MTF1: variants seen among roughly 807,000 people sequenced by gnomAD.
MTF1 encodes metal regulatory transcription factor 1, also known as MRE-binding transcription factor.
MTF1 carries 22 observed loss-of-function variants against 70.4 expected under a neutral mutation model. The observed-to-expected ratio is 0.31, with a 90% CI of 0.22 to 0.45. MTF1 has a LOEUF of 0.45. Ranked by LOEUF, MTF1 falls within the 20% of genes least tolerant of loss-of-function variation. The probability of loss-of-function intolerance (pLI) is 1.00; values close to 1 mark genes in which losing one functional copy is unlikely to be tolerated. For missense variants in MTF1, 649 were observed against 922.0 expected, an observed-to-expected ratio of 0.70 and a Z score of 3.83; for synonymous variants, 333 against 352.8, an observed-to-expected ratio of 0.94 and a Z score of 0.63.
At chr1:37,852,508 A>G (rs942857581) in intron 2 of MTF1, among the ~76,000 whole-genome samples, 3 of 152,166 alleles carry the variant, frequency 2.0e-5, no homozygotes, top group Non-Finnish European at 4.4e-5. Context: ...ATCTACCACA[A>G]CGGACTCTTA....
In MTF1 at chr1:37,814,956, A is replaced by G. The variant is rs2148397194; in HGVS notation, c.*180T>C. The G allele has an allele frequency of 1.7e-6, 1 of 580,750 alleles. No individual in the cohort carries two copies. Among genetic ancestry groups the G allele is most frequent in the East Asian group, 2.9e-5 (1 of 34,492 alleles). The allele number at this position is 580,750 out of a possible 1,614,324, so 36.0% of individuals were successfully genotyped here. On this transcript the variant is annotated 3_prime_UTR_variant, in exon 11 of 11. Coordinates refer to ENST00000373036, the MANE Select transcript of MTF1 (RefSeq NM_005955.3). ...TTTTTTTTGTTTTTTGTTTTTTTCC[A>G]AAGAATAGTTCCTTAAAATGGATGC... is the stretch of plus-strand genomic sequence containing the variant.
rs983966588 is a variant in MTF1 at position 37,815,076 on chromosome 1, C to A, written c.*60G>T. On this transcript the variant is annotated 3_prime_UTR_variant, in exon 11 of 11. Coordinates refer to ENST00000373036, the MANE Select transcript of MTF1 (RefSeq NM_005955.3). The surrounding 1 kb of genome is among the most constrained non-coding windows in gnomAD (Gnocchi z 4.5). ...CAAATTTCTGACCCATGATGGCAGGCATTGTACCTCATGCCTCCTGCTCAC... is the reference window on the plus strand; with the variant it reads ...CAAATTTCTGACCCATGATGGCAGGAATTGTACCTCATGCCTCCTGCTCAC... 22 of 1,394,646 alleles carry A rather than the reference C, an allele frequency of 1.6e-5. No homozygotes were observed. The African/African-American group carries it at 3.1e-4, about 20-fold the overall frequency. 86.4% of individuals were successfully genotyped at this position (1,394,646 alleles called of 1,614,324 possible). A position where few individuals can be genotyped will look rare whatever the true frequency, so the allele number is the denominator to read the frequency against.
chr1:37,836,036 G>A (rs181993191), intron 4 of MTF1, among the ~76,000 whole-genome samples: 2,315 of 152,252 alleles, frequency 0.015, 33 homozygotes, highest in Non-Finnish European at 0.022. Context: ...TCCTGACCTT[G>A]TGATCCGCCC....
intron 2 of MTF1, among the ~76,000 whole-genome samples, chr1:37,843,182 A>G (rs2148416358): frequency 1.3e-5 from 2 of 152,220 alleles, no homozygotes; most frequent in Admixed American, 1.3e-4. Flanking sequence ...ACACCCAGCT[A>G]ATTTTTAAAT....
rs752925235 is a variant in MTF1 at position 37,817,435 on chromosome 1, T to C, written c.1815A>G (p.Pro605=). 9.9e-6 allele frequency: 16 copies of C among 1,611,228 alleles called. No homozygotes were observed. Among genetic ancestry groups the C allele is most frequent in the Non-Finnish European group, 1.3e-5 (15 of 1,177,300 alleles). Residue 605 remains proline, a synonymous_variant, in exon 10 of 11, where the codon CCA becomes CCG. Coordinates refer to ENST00000373036, the MANE Select transcript of MTF1 (RefSeq NM_005955.3). The part of the protein sequence containing the change: ...VEKVFFTTAV[P]VASSPGSSVQ... The stretch of plus-strand genomic sequence containing the variant: ...ATTACATACCTGGGCTACTGGCTAC[T>C]GGTACTGCAGTGGTAAAAAACACCT...
chr1:37,824,309 T>C (rs577921613), intron 7 of MTF1, among the ~76,000 whole-genome samples: 1 of 152,168 alleles, frequency 6.6e-6, no homozygotes, highest in South Asian at 2.1e-4. Context: ...ACAGAGACCA[T>C]GGAATCAACA....
intron 2 of MTF1, among the ~76,000 whole-genome samples, chr1:37,843,203 G>A (rs1400593510): frequency 6.6e-6 from 1 of 151,976 alleles, no homozygotes; most frequent in African/African-American, 2.4e-5. Flanking sequence ...GTTTTGCTAT[G>A]TTGCCCAGGT....
intron 7 of MTF1, among the ~76,000 whole-genome samples, chr1:37,830,199 G>A (rs1641066136): frequency 6.6e-6 from 1 of 152,186 alleles, no homozygotes; most frequent in Non-Finnish European, 1.5e-5. Context: ...TAGAACATTA[G>A]TTGTAAAATA....
At chr1:37,827,336 G>GTTA (rs71573764) in intron 7 of MTF1, among the ~76,000 whole-genome samples, 16,350 of 143,978 alleles carry the variant, frequency 0.11, 1,152 homozygotes, top group East Asian at 0.25. Flanking sequence ...CCTCATAGTT[G>GTTA]TTATTATTAT....
chr1:37,830,813 TAG>T (rs1557591046), intron 7 of MTF1, among the ~76,000 whole-genome samples: 2 of 130,888 alleles, frequency 1.5e-5, no homozygotes. Flanking sequence ...CTGGGCTGCT[TAG>T]AGTCTATCCC....
chr1:37,831,015 C>T (rs988412186), intron 7 of MTF1, among the ~76,000 whole-genome samples: 1 of 152,214 alleles, frequency 6.6e-6, no homozygotes, highest in Non-Finnish European at 1.5e-5. Context: ...TTGGCTGCCT[C>T]GTTGGGTGCC....
At chr1:37,817,780 G>A (rs1640842395) in intron 9 of MTF1, among the ~76,000 whole-genome samples, 1 of 152,210 alleles carries the variant, frequency 6.6e-6, no homozygotes, top group Non-Finnish European at 1.5e-5. Context: ...CTTTTCTCAA[G>A]CAGATTGTCT....
At chr1:37,821,934 A>G (rs189411511) in intron 9 of MTF1, among the ~76,000 whole-genome samples, 187 bp downstream of exon 9, 49 of 152,158 alleles carry the variant, frequency 3.2e-4, no homozygotes, top group Non-Finnish European at 5.4e-4. Flanking sequence ...CCTCCTTACT[A>G]TAGGTACTGA....
intron 2 of MTF1, among the ~76,000 whole-genome samples, chr1:37,844,874 T>A (rs1244608200): frequency 6.6e-6 from 1 of 152,232 alleles, no homozygotes; most frequent in Non-Finnish European, 1.5e-5. Context: ...AGAATAGGCA[T>A]CCTAATTATA....
At position 37,810,852 on chromosome 1, in the gene MTF1, C is replaced by T. The variant is rs1640717344; in HGVS notation, c.*4284G>A. 6.6e-6 allele frequency: 1 copy of T among 152,174 alleles called. No individual in the cohort carries two copies. The highest frequency in any genetic ancestry group is 1.5e-5 in the Non-Finnish European group (1 of 68,022). The allele number at this position is 152,174 out of a possible 1,614,324, so 9.4% of individuals were successfully genotyped here. On this transcript the variant is annotated 3_prime_UTR_variant, in exon 11 of 11. Transcript: ENST00000373036. ...GTTTGTTTATAGGATTTAATGAAGG[C>T]TGGAGGCCTTTTTGCTTAAGGAACC...
Position 37,823,827 on chromosome 1 carries a change from C to G in MTF1, c.1069-15G>C. ...TGGCCCTGGGTCTGATGGAGAGAGA[C>G]AAAGATGTGAGATTGGCCATCTTGA... On this transcript the variant is annotated splice_polypyrimidine_tract_variant and intron_variant, in intron 7 of 10. Transcript: ENST00000373036. 1 of 1,595,902 alleles carries G rather than the reference C, an allele frequency of 6.3e-7. No individual in the cohort carries two copies. The highest frequency in any genetic ancestry group is 8.6e-7 in the Non-Finnish European group (1 of 1,163,702).
chr1:37,821,272 T>C (rs894147639), intron 9 of MTF1, among the ~76,000 whole-genome samples: 1 of 152,006 alleles, frequency 6.6e-6, no homozygotes, highest in Non-Finnish European at 1.5e-5. Flanking sequence ...AAAAGTAATC[T>C]AAAAATAATG....
intron 9 of MTF1, among the ~76,000 whole-genome samples, chr1:37,820,258 C>T (rs61778077): frequency 0.095 from 14,394 of 152,290 alleles, 856 homozygotes; most frequent in Middle Eastern, 0.24. Flanking sequence ...ATACATCCAC[C>T]TCTAGGTTCT....
At chr1:37,836,935 G>C (rs955935668) in intron 4 of MTF1, among the ~76,000 whole-genome samples, 2 of 132,624 alleles carry the variant, frequency 1.5e-5, no homozygotes, top group African/African-American at 5.9e-5. Context: ...AGCAGCCTAC[G>C]GGAAGGGGGG....
Sources: allele counts gnomAD v4.1 joint callset (sites outside exome capture counted in the v4.1 genomes callset), GRCh38; gene constraint gnomAD v4.1.1; non-coding constraint Gnocchi (gnomAD v3.1); transcripts MANE v1.5; gene names NCBI Gene and HGNC (gene_info 2026-07-23, HGNC 2026-07-21).